UBTD2: variants seen among roughly 807,000 people sequenced by gnomAD.
UBTD2 encodes the protein ubiquitin domain containing 2, also known as ubiquitin domain-containing protein 2.
Under a neutral mutation model 19.8 loss-of-function variants are expected in UBTD2, and 9 were observed. The observed-to-expected ratio is 0.46, with a 90% CI of 0.27 to 0.79. UBTD2 has a LOEUF of 0.79. UBTD2 is among the 30% of genes least tolerant of loss of function. The pLI is 0.14. For synonymous variants in UBTD2, 98 were observed against 103.9 expected (o/e 0.94, Z 0.35); for missense variants, 250 against 300.4 (o/e 0.83, Z 1.24).
At chr5:172,272,384 G>C (rs1310984387) in intron 1 of UBTD2, among the ~76,000 whole-genome samples, 2 of 152,196 alleles carry the variant, frequency 1.3e-5, no homozygotes, top group Non-Finnish European at 2.9e-5. Context: ...TGGCAGCCTA[G>C]TACTGCCAGA....
chr5:172,232,137 G>A (rs1424181375), intron 2 of UBTD2, among the ~76,000 whole-genome samples: 1 of 152,156 alleles, frequency 6.6e-6, no homozygotes, highest in Non-Finnish European at 1.5e-5. Context: ...GCTGGGCCTG[G>A]TGGCACATGC....
chr5:172,260,612 CAGAA>C (rs1755248286), intron 1 of UBTD2, among the ~76,000 whole-genome samples: 1 of 152,168 alleles, frequency 6.6e-6, no homozygotes, highest in African/African-American at 2.4e-5. Context: ...TGATACAATG[CAGAA>C]AGATAGTCTC....
intron 1 of UBTD2, among the ~76,000 whole-genome samples, chr5:172,250,088 T>C (rs1483809138): frequency 1.3e-5 from 2 of 151,958 alleles, no homozygotes. Flanking sequence ...CTGGGCGTGG[T>C]GGTGGGTGCC....
intron 1 of UBTD2, among the ~76,000 whole-genome samples, chr5:172,272,949 C>T (rs1007106301): frequency 6.6e-6 from 1 of 152,032 alleles, no homozygotes; most frequent in Admixed American, 6.6e-5. Flanking sequence ...CGTAGTCGCA[C>T]ACCTGTAGTC....
intron 1 of UBTD2, among the ~76,000 whole-genome samples, chr5:172,274,078 C>T (rs72846909): frequency 0.03 from 4,560 of 151,712 alleles, 104 homozygotes; most frequent in Non-Finnish European, 0.048. Flanking sequence ...TCCACTGTCA[C>T]ACTAGGGATA....
intron 2 of UBTD2, among the ~76,000 whole-genome samples, chr5:172,213,276 C>A (rs1046424175): frequency 1.3e-5 from 2 of 152,294 alleles, no homozygotes; most frequent in Non-Finnish European, 1.5e-5. Flanking sequence ...CAGGCATGAG[C>A]CACCATGCCC....
chr5:172,222,096 G>A (rs746896896), intron 2 of UBTD2, among the ~76,000 whole-genome samples: 1 of 152,224 alleles, frequency 6.6e-6, no homozygotes, highest in East Asian at 1.9e-4. Flanking sequence ...TATGGGTTAC[G>A]CTCTTCCTGA....
In UBTD2 at chr5:172,212,208, G is replaced by A. The variant is rs769848062; in HGVS notation, c.327C>T (p.Tyr109=). ...GCTGATATCTGTTCCCCAGTTCATC[G>A]TAGCACTCTGTAAGTGCACCTTCAG... ...TLPHGALTEC[Y]DELGNRYQLP... is the part of the protein sequence containing the mutation. Residue 109 remains tyrosine (Y), a synonymous_variant, in exon 3 of 3, where the codon TAC becomes TAT. Coordinates refer to ENST00000393792, the MANE Select transcript of UBTD2 (RefSeq NM_152277.3). 1.1e-4 allele frequency: 182 copies of A among 1,604,850 alleles called. No individual in the cohort carries two copies. Among genetic ancestry groups the A allele is most frequent in the Non-Finnish European group, 1.5e-4 (177 of 1,173,010 alleles).
At chr5:172,279,071 C>T (rs1284028445) in intron 1 of UBTD2, among the ~76,000 whole-genome samples, 1 of 152,182 alleles carries the variant, frequency 6.6e-6, no homozygotes, top group East Asian at 1.9e-4. Flanking sequence ...AGCCACTGGG[C>T]CTGGCCAATT....
chr5:172,263,019 C>A (rs1755303899), intron 1 of UBTD2, among the ~76,000 whole-genome samples: 1 of 152,014 alleles, frequency 6.6e-6, no homozygotes, highest in Non-Finnish European at 1.5e-5. Flanking sequence ...TGGCTCACTG[C>A]AGCCACGACC....
intron 1 of UBTD2, among the ~76,000 whole-genome samples, chr5:172,265,226 A>C (rs549603743): frequency 1.3e-5 from 2 of 152,254 alleles, no homozygotes; most frequent in African/African-American, 2.4e-5. Flanking sequence ...ATCTGAGTTA[A>C]TTACCATGAA....
At chr5:172,265,550 C>T (rs1373422486) in intron 1 of UBTD2, among the ~76,000 whole-genome samples, 1 of 152,122 alleles carries the variant, frequency 6.6e-6, no homozygotes, top group African/African-American at 2.4e-5. Flanking sequence ...AGGATGGTCT[C>T]GATCTCCTGA....
At chr5:172,229,260 G>A (rs903561084) in intron 2 of UBTD2, among the ~76,000 whole-genome samples, 4 of 151,964 alleles carry the variant, frequency 2.6e-5, no homozygotes, top group Non-Finnish European at 5.9e-5. Flanking sequence ...CAGCACTTTG[G>A]GAGGCCGAGG....
intron 2 of UBTD2, among the ~76,000 whole-genome samples, chr5:172,216,781 C>T: frequency 6.6e-6 from 1 of 151,902 alleles, no homozygotes; most frequent in Non-Finnish European, 1.5e-5. Context: ...CCCTGAGCAA[C>T]ATAGTGAAAC....
At chr5:172,281,167 C>T (rs1755707131) in intron 1 of UBTD2, among the ~76,000 whole-genome samples, 1 of 152,032 alleles carries the variant, frequency 6.6e-6, no homozygotes, top group South Asian at 2.1e-4. Context: ...TCCCAAAGTG[C>T]TGGGATTACA....
rs565719669 is a variant in UBTD2 at position 172,280,027 on chromosome 5, G to C, written c.70+3569C>G. 2.0e-5 allele frequency among the ~76,000 whole-genome samples: 3 copies of C among 152,208 alleles called. No individual in the cohort carries two copies. The East Asian group carries it at 5.8e-4, about 29-fold the overall frequency. On this transcript the variant is annotated intron_variant, in intron 1 of 2. Coordinates refer to ENST00000393792, the MANE Select transcript of UBTD2 (RefSeq NM_152277.3). ...GAGGCAGGAGAACTGCTTGAACCCG[G>C]GAGGGCGGAGTTTGCAGTGAGCTGA...
At chr5:172,269,053 CA>C (rs923317109) in intron 1 of UBTD2, among the ~76,000 whole-genome samples, 2 of 149,816 alleles carry the variant, frequency 1.3e-5, no homozygotes, top group Non-Finnish European at 3.0e-5. Context: ...CAGTTAAGTG[CA>C]AAAAAAAGAG....
At chr5:172,233,166 A>G (rs955880946) in intron 2 of UBTD2, among the ~76,000 whole-genome samples, 2 of 152,222 alleles carry the variant, frequency 1.3e-5, no homozygotes, top group African/African-American at 4.8e-5. Context: ...TTCATGTGAC[A>G]TACAGTGAAA....
chr5:172,269,248 G>C (rs1026514211), intron 1 of UBTD2, among the ~76,000 whole-genome samples: 6 of 151,954 alleles, frequency 3.9e-5, no homozygotes, highest in African/African-American at 1.2e-4. Context: ...CTAGCACTTC[G>C]GGAGGCCAAG....
Sources: gnomAD v4.1 joint callset for allele counts (sites outside exome capture counted in the v4.1 genomes callset) on GRCh38, gnomAD v4.1.1 for gene constraint, MANE v1.5 for transcripts, NCBI Gene and HGNC (gene_info 2026-07-23, HGNC 2026-07-21) for gene names.